PTPRD: variants seen among roughly 807,000 people sequenced by gnomAD.
PTPRD encodes the protein receptor-type tyrosine-protein phosphatase delta.
A neutral mutation model predicts 214.5 loss-of-function variants in PTPRD; 34 were observed. That is an observed-to-expected ratio of 0.16 (90% confidence interval 0.12 to 0.21). The LOEUF is 0.21. Ranked by LOEUF, PTPRD falls within the 10% of genes least tolerant of loss-of-function variation. PTPRD has a pLI of 1.00. For missense variants in PTPRD, 2,545 were observed against 2,398.7 expected (o/e 1.06, Z -1.27); for synonymous variants, 1,128 against 845.7 (o/e 1.33, Z -5.79).
chr9:9,849,520 A>C (rs1038684930), intron 5 of PTPRD, among the ~76,000 whole-genome samples: 1 of 152,116 alleles, frequency 6.6e-6, no homozygotes, highest in African/African-American at 2.4e-5. Flanking sequence ...GCTATTGTCC[A>C]TTCCAAGTTT....
chr9:9,109,711 C>A (rs1484484278), intron 10 of PTPRD, among the ~76,000 whole-genome samples: 1 of 152,022 alleles, frequency 6.6e-6, no homozygotes, highest in Non-Finnish European at 1.5e-5. Flanking sequence ...TTATATTCTT[C>A]TTGGATGATA....
chr9:8,740,448 C>T (rs560016069), intron 11 of PTPRD, among the ~76,000 whole-genome samples: 2 of 152,150 alleles, frequency 1.3e-5, no homozygotes, highest in African/African-American at 2.4e-5. Flanking sequence ...TTAATATTAG[C>T]GAGGGATACG....
chr9:8,857,280 G>A (rs1318868036), intron 11 of PTPRD, among the ~76,000 whole-genome samples: 4 of 152,162 alleles, frequency 2.6e-5, no homozygotes, highest in East Asian at 3.9e-4. Context: ...GGATCCCTGG[G>A]TAAGGGTGGA....
intron 5 of PTPRD, among the ~76,000 whole-genome samples, chr9:9,775,716 G>A (rs1011730627): frequency 2.0e-5 from 3 of 152,078 alleles, no homozygotes; most frequent in Admixed American, 6.5e-5. Flanking sequence ...GGCCAAGGCG[G>A]GTGGATCACG....
At chr9:9,425,824 G>C (rs73644721) in intron 8 of PTPRD, among the ~76,000 whole-genome samples, 4,855 of 152,210 alleles carry the variant, frequency 0.032, 178 homozygotes, top group East Asian at 0.087. Context: ...AATTTAAGAA[G>C]AGGAGATAAA....
At chr9:10,305,286 C>A (rs770892850) in intron 3 of PTPRD, among the ~76,000 whole-genome samples, 3 of 150,674 alleles carry the variant, frequency 2.0e-5, no homozygotes, top group Admixed American at 6.6e-5. Context: ...AAACGTAAGA[C>A]CTAAAACCAT....
chr9:8,336,484 G>GAAAAAAAAA (rs1564050147), intron 43 of PTPRD, among the ~76,000 whole-genome samples: 1 of 142,868 alleles, frequency 7.0e-6, no homozygotes, highest in South Asian at 2.2e-4. Context: ...GTAAAATGAT[G>GAAAAAAAAA]AAAACCCCTA....
chr9:8,321,526 T>TAAAAAA (rs796936322), intron 44 of PTPRD, among the ~76,000 whole-genome samples: 2 of 115,762 alleles, frequency 1.7e-5, no homozygotes, highest in Non-Finnish European at 1.8e-5. Context: ...TATATATATA[T>TAAAAAA]AAAAGGTATA....
intron 10 of PTPRD, among the ~76,000 whole-genome samples, chr9:9,168,587 G>A (rs961599463): frequency 6.6e-6 from 1 of 151,982 alleles, no homozygotes. Context: ...AAACAAGTAA[G>A]CAGCGAAACT....
intron 37 of PTPRD, among the ~76,000 whole-genome samples, chr9:8,382,367 T>C (rs2085375947): frequency 6.6e-6 from 1 of 152,298 alleles, no homozygotes; most frequent in South Asian, 2.1e-4. Flanking sequence ...ACCACAGACA[T>C]GAATGCAGAG....
At chr9:9,726,319 C>T (rs1422756624) in intron 7 of PTPRD, among the ~76,000 whole-genome samples, 1 of 152,166 alleles carries the variant, frequency 6.6e-6, no homozygotes, top group Non-Finnish European at 1.5e-5. Context: ...CATACACCTT[C>T]CCAGGCTGTA....
At chr9:9,909,853 T>G (rs1192601273) in intron 5 of PTPRD, among the ~76,000 whole-genome samples, 1 of 151,896 alleles carries the variant, frequency 6.6e-6, no homozygotes, top group South Asian at 2.1e-4. Context: ...GTTCAATTAT[T>G]TTTTCCCTAA....
intron 26 of PTPRD, 80 bp from the exon 27 acceptor site, chr9:8,493,059 A>G (rs1338854158): frequency 8.5e-7 from 1 of 1,176,800 alleles, no homozygotes; most frequent in East Asian, 2.4e-5. Context: ...GTCTGCCTTC[A>G]TTCTGCAAAT....
intron 3 of PTPRD, among the ~76,000 whole-genome samples, chr9:10,096,859 T>A (rs2098493369): frequency 6.6e-6 from 1 of 152,034 alleles, no homozygotes; most frequent in African/African-American, 2.4e-5. Context: ...CTTCTAGGGT[T>A]TTTATGCTTT....
At position 8,756,241 on chromosome 9, in the gene PTPRD, G is replaced by A. The variant is rs537025131; in HGVS notation, c.-103-22295C>T. On this transcript the variant is annotated intron_variant, in intron 11 of 45. Transcript: ENST00000381196. The stretch of plus-strand genomic sequence containing the variant: ...TTCTCTGCCTCTAGTTTCCCTGGTT[G>A]CTCTGTTTTATAGCATTTGTTACCC... Among the ~76,000 whole-genome samples, 4 of 152,144 alleles carry A rather than the reference G, an allele frequency of 2.6e-5. No homozygotes were observed. The South Asian group carries it at 8.3e-4, about 32-fold the overall frequency.
At chr9:8,326,337 T>A (rs1833735901) in intron 44 of PTPRD, among the ~76,000 whole-genome samples, 1 of 152,198 alleles carries the variant, frequency 6.6e-6, no homozygotes, top group Non-Finnish European at 1.5e-5. Context: ...TCATGTGGTT[T>A]TTGTCATTGG....
At chr9:8,541,486 T>G (rs1681598661) in intron 14 of PTPRD, among the ~76,000 whole-genome samples, 1 of 152,132 alleles carries the variant, frequency 6.6e-6, no homozygotes, top group South Asian at 2.1e-4. Flanking sequence ...CTGCCTCCAC[T>G]CTGGAGCAGC....
intron 11 of PTPRD, among the ~76,000 whole-genome samples, chr9:8,899,253 C>T (rs1212134653): frequency 6.6e-6 from 1 of 152,178 alleles, no homozygotes; most frequent in East Asian, 1.9e-4. Context: ...ACTGGCATTT[C>T]TCCTTTGACT....
intron 14 of PTPRD, among the ~76,000 whole-genome samples, chr9:8,576,672 C>T (rs1354889841): frequency 6.7e-6 from 1 of 149,724 alleles, no homozygotes; most frequent in African/African-American, 2.5e-5. Context: ...ATATCCGTGT[C>T]TCTTTCCTAA....
Sources: allele counts gnomAD v4.1 joint callset (sites outside exome capture counted in the v4.1 genomes callset), GRCh38; gene constraint gnomAD v4.1.1; transcripts MANE v1.5; gene names NCBI Gene and HGNC (gene_info 2026-07-23, HGNC 2026-07-21).